RIN2: variants seen among roughly 807,000 people sequenced by gnomAD.
The protein encoded by RIN2 is RAB5 interacting protein 2.
RIN2 carries 36 observed loss-of-function variants against 78.0 expected under a neutral mutation model. The observed-to-expected ratio is 0.46, with a 90% CI of 0.35 to 0.61. The LOEUF (loss-of-function observed/expected upper bound fraction) is 0.61, where lower values mean the gene tolerates loss of function less well. RIN2 is among the 20% of genes least tolerant of loss of function. The probability of loss-of-function intolerance (pLI) is 0.00; values close to 1 mark genes in which losing one functional copy is unlikely to be tolerated. For synonymous variants in RIN2, 466 were observed against 466.8 expected (o/e 1.00, Z 0.02); for missense variants, 1,087 against 1,159.7 (o/e 0.94, Z 0.91).
chr20:19,860,537 C>T (rs2037303064), intron 2 of RIN2, among the ~76,000 whole-genome samples: 1 of 151,906 alleles, frequency 6.6e-6, no homozygotes. Flanking sequence ...TGGCCATACT[C>T]GTCTCGAACT....
chr20:19,950,957 T>G (rs2041290816), intron 4 of RIN2, among the ~76,000 whole-genome samples: 1 of 150,776 alleles, frequency 6.6e-6, no homozygotes, highest in Non-Finnish European at 1.5e-5. Context: ...TGGTGCCATC[T>G]CAGCTCACTG....
intron 11 of RIN2, among the ~76,000 whole-genome samples, chr20:19,995,243 C>T (rs1183495317): frequency 7.0e-6 from 1 of 143,272 alleles, no homozygotes; most frequent in African/African-American, 2.7e-5. Flanking sequence ...AATAAATTGC[C>T]AGTGTCTGTT....
intron 1 of RIN2, among the ~76,000 whole-genome samples, chr20:19,777,178 A>T (rs1417087903): frequency 6.6e-6 from 1 of 152,178 alleles, no homozygotes; most frequent in African/African-American, 2.4e-5. Context: ...GGTTTAGAAG[A>T]ACTGTGTGCT....
At chr20:19,852,764 G>A (rs1009492939) in intron 2 of RIN2, among the ~76,000 whole-genome samples, 4 of 152,082 alleles carry the variant, frequency 2.6e-5, no homozygotes, top group African/African-American at 9.7e-5. Context: ...AAGCCATATT[G>A]GGAATTAAGG....
intron 3 of RIN2, among the ~76,000 whole-genome samples, chr20:19,916,725 G>A (rs1489563654): frequency 1.3e-5 from 2 of 152,216 alleles, no homozygotes; most frequent in East Asian, 3.8e-4. Context: ...GACCAACCCT[G>A]GACATCAGCA....
chr20:19,915,856 C>T (rs895126169), intron 3 of RIN2, among the ~76,000 whole-genome samples: 2 of 152,186 alleles, frequency 1.3e-5, no homozygotes, highest in Admixed American at 6.5e-5. Flanking sequence ...AATTTCCCTT[C>T]TGATATTGCA....
chr20:19,966,468 C>A (rs1425332597), intron 7 of RIN2, among the ~76,000 whole-genome samples: 2 of 151,940 alleles, frequency 1.3e-5, no homozygotes, highest in Non-Finnish European at 2.9e-5. Flanking sequence ...GGATTACAGG[C>A]ATGCACCACC....
chr20:19,886,830 T>C, intron 2 of RIN2: 1 of 1,143,414 alleles, frequency 8.7e-7, no homozygotes, highest in Non-Finnish European at 1.3e-6. Flanking sequence ...GGTTTTAGGA[T>C]GAAGCTGCTG....
chr20:19,800,067 A>C (rs1293007395), intron 2 of RIN2, among the ~76,000 whole-genome samples: 1 of 152,096 alleles, frequency 6.6e-6, no homozygotes, highest in Non-Finnish European at 1.5e-5. Flanking sequence ...TAGTTCATTC[A>C]ATTATCACAA....
chr20:19,994,018 T>G (rs1014890196), intron 11 of RIN2, among the ~76,000 whole-genome samples: 9 of 152,250 alleles, frequency 5.9e-5, no homozygotes. Context: ...AAACAGCTAC[T>G]TCCTGCCCCT....
At chr20:19,818,855 C>T (rs988634630) in intron 2 of RIN2, among the ~76,000 whole-genome samples, 1 of 151,556 alleles carries the variant, frequency 6.6e-6, no homozygotes, top group East Asian at 1.9e-4. Context: ...TAAAAGTAAC[C>T]GAAACATTCA....
chr20:19,990,090 T>C lies in RIN2; in HGVS notation c.1847T>C (p.Met616Thr), dbSNP rs925735625. 3.8e-6 allele frequency: 6 copies of C among 1,598,974 alleles called. No homozygotes were observed. Among genetic ancestry groups the C allele is most frequent in the Non-Finnish European group, 5.1e-6 (6 of 1,172,678 alleles). The change falls in exon 10 of 13, where the codon ATG (methionine) becomes ACG (threonine). Residue 616 changes from methionine to threonine, a missense_variant. Around this residue, in one of 8 missense-constraint regions of RIN2, gnomAD observed 97 missense variants for 104.8 expected, o/e 0.93. Coordinates refer to ENST00000255006, the MANE Select transcript of RIN2 (RefSeq NM_018993.4). ...GAGGCCATGCTGAAGGACTTTCACATGGCCGATGGCTCATGGAAGCAACTC... is the reference window on the plus strand; with the variant it reads ...GAGGCCATGCTGAAGGACTTTCACACGGCCGATGGCTCATGGAAGCAACTC... ...HVEAMLKDFH[M>T]ADGSWKQLKE... is the part of the protein sequence containing the mutation.
rs1343046808 is a variant in RIN2 at position 19,996,771 on chromosome 20, A to G, written c.2293A>G (p.Arg765Gly). The change falls in exon 12 of 13, where the codon AGA (arginine) becomes GGA (glycine). Residue 765 changes from arginine to glycine, a missense_variant. By Grantham distance (125) the Arg-to-Gly change is moderately radical. This residue lies in a region of RIN2 where 160 missense variants were observed against 179.4 expected (regional missense o/e 0.89). Transcript: ENST00000255006. Reference protein sequence around the residue: ...QAARLLSSETRDTLRQWHKRR... With the variant: ...QAARLLSSETGDTLRQWHKRR... ...AGCGCGACTGCTCAGCTCAGAAACC[A>G]GAGACACCCTGAGGCAGTGGCACAA... 3 of 1,613,030 alleles carry G rather than the reference A, an allele frequency of 1.9e-6. No homozygotes were observed. The highest frequency in any genetic ancestry group is 1.7e-5 in the Admixed American group (1 of 59,852).
intron 2 of RIN2, among the ~76,000 whole-genome samples, chr20:19,826,992 T>C (rs2036111224): frequency 6.7e-6 from 1 of 150,206 alleles, no homozygotes; most frequent in Non-Finnish European, 1.5e-5. Flanking sequence ...TTTTTTTTTT[T>C]GAGACAGAGT....
chr20:19,833,878 C>T (rs755400722), intron 2 of RIN2, among the ~76,000 whole-genome samples: 2 of 152,282 alleles, frequency 1.3e-5, no homozygotes, highest in Non-Finnish European at 2.9e-5. Context: ...CCCAGAGCTC[C>T]CTGCAGGCTT....
chr20:19,766,718 C>T (rs2033899688), intron 1 of RIN2, among the ~76,000 whole-genome samples: 2 of 151,974 alleles, frequency 1.3e-5, no homozygotes, highest in Admixed American at 6.6e-5. Flanking sequence ...GTCAGGAGTT[C>T]AAGACCACCC....
At chr20:19,992,377 CACATA>C (rs1476942719) in intron 11 of RIN2, 78 bp downstream of exon 11, 5 of 1,353,658 alleles carry the variant, frequency 3.7e-6, no homozygotes, top group Non-Finnish European at 4.0e-6. Flanking sequence ...AAATTCATGT[CACATA>C]ACATTAATCA....
In RIN2 at chr20:19,902,962, G is replaced by A. The variant is rs111444132; in HGVS notation, c.57+13304G>A. On this transcript the variant is annotated intron_variant, in intron 3 of 12. Transcript: ENST00000255006. ...CAACAAATTAGCCGGGCATGGTGGC[G>A]GGCCCCTGTAGTCCCAGCTACTCGG... Among the ~76,000 whole-genome samples the A allele has an allele frequency of 1.4e-4, 22 of 151,954 alleles. No individual in the cohort carries two copies. The South Asian group carries it at 2.5e-3, about 17-fold the overall frequency.
intron 1 of RIN2, among the ~76,000 whole-genome samples, chr20:19,786,536 A>G (rs1380059385): frequency 6.6e-6 from 1 of 152,160 alleles, no homozygotes; most frequent in Non-Finnish European, 1.5e-5. Context: ...CTGCAACCAC[A>G]TTTGAGACTC....
Sources: allele counts gnomAD v4.1 joint callset (sites outside exome capture counted in the v4.1 genomes callset), GRCh38; gene constraint gnomAD v4.1.1; regional missense constraint gnomAD v4.1.1; transcripts MANE v1.5; gene names NCBI Gene and HGNC (gene_info 2026-07-23, HGNC 2026-07-21).